The following HEPHL1 variants were observed in gnomAD, a reference collection of about 807,000 sequenced individuals.
HEPHL1 encodes the protein hephaestin like 1.
A neutral mutation model predicts 122.0 loss-of-function variants in HEPHL1; 123 were observed. The observed-to-expected ratio is 1.01, with a 90% CI of 0.87 to 1.17. HEPHL1 has a LOEUF of 1.17. Ranked by LOEUF, HEPHL1 falls within the 50% of genes most tolerant of loss-of-function variation. The pLI is 0.00. For missense variants in HEPHL1, 1,452 were observed against 1,430.5 expected (o/e 1.01, Z -0.24); for synonymous variants, 527 against 508.9 (o/e 1.04, Z -0.48).
chr11:94,085,969 C>T lies in HEPHL1; in HGVS notation c.1868-8C>T. ...ATAATTTTTCACCGTCTTTCTTCTT[C>T]CATTTAGCTGTTAACGGCTACATGT... On this transcript the variant is annotated splice_region_variant and splice_polypyrimidine_tract_variant and intron_variant, in intron 10 of 19. Coordinates refer to ENST00000315765, the MANE Select transcript of HEPHL1 (RefSeq NM_001098672.2). The T allele has an allele frequency of 1.2e-6, 2 of 1,608,340 alleles. No individual in the cohort carries two copies. The highest frequency in any genetic ancestry group is 8.5e-7 in the Non-Finnish European group (1 of 1,174,870).
chr11:94,067,087 G>A (rs1021286938), intron 4 of HEPHL1, among the ~76,000 whole-genome samples: 25 of 152,118 alleles, frequency 1.6e-4, no homozygotes, highest in African/African-American at 6.0e-4. Context: ...TAACTGTTAA[G>A]ATGAACAAGA....
chr11:94,046,168 C>T (rs2134416153), intron 2 of HEPHL1, among the ~76,000 whole-genome samples: 1 of 120,754 alleles, frequency 8.3e-6, no homozygotes, highest in Middle Eastern at 7.8e-3. Flanking sequence ...GATATCAGCT[C>T]ACTGCAACCT....
At chr11:94,080,800 G>A (rs1311003077) in intron 9 of HEPHL1, among the ~76,000 whole-genome samples, 1 of 152,176 alleles carries the variant, frequency 6.6e-6, no homozygotes, top group African/African-American at 2.4e-5. Context: ...GGCAGATGCT[G>A]GCAAGGCTGT....
At chr11:94,042,875 T>TAAAA (rs58966846) in intron 1 of HEPHL1, among the ~76,000 whole-genome samples, 13 of 63,166 alleles carry the variant, frequency 2.1e-4, no homozygotes, top group Admixed American at 7.1e-4. Context: ...TAAAGTATAA[T>TAAAA]AAAAAAAAAA....
intron 1 of HEPHL1, among the ~76,000 whole-genome samples, chr11:94,026,368 T>C (rs1022395980): frequency 6.6e-6 from 1 of 152,202 alleles, no homozygotes; most frequent in Non-Finnish European, 1.5e-5. Flanking sequence ...CTGTGTACTT[T>C]TCTGCCTGAA....
chr11:94,034,252 A>C (rs1945701887), intron 1 of HEPHL1, among the ~76,000 whole-genome samples: 1 of 152,156 alleles, frequency 6.6e-6, no homozygotes, highest in South Asian at 2.1e-4. Context: ...TCTACCTTCT[A>C]AGGTGGTTCC....
Position 94,082,588 on chromosome 11 carries a change from C to T in HEPHL1, c.1867+20C>T, listed in dbSNP as rs139764817. The T allele has an allele frequency of 1.1e-3, 1,811 of 1,592,956 alleles. 2 individuals are homozygous for T. The highest frequency in any genetic ancestry group is 1.4e-3 in the Non-Finnish European group (1,680 of 1,169,468). ...TGCATGGTATGACAAATGACATTCCCGCCTGTAAATGAAAGGCTGACTTGC... is the reference window on the plus strand; with the variant it reads ...TGCATGGTATGACAAATGACATTCCTGCCTGTAAATGAAAGGCTGACTTGC... On this transcript the variant is annotated intron_variant, in intron 10 of 19. Coordinates refer to ENST00000315765, the MANE Select transcript of HEPHL1 (RefSeq NM_001098672.2).
intron 4 of HEPHL1, among the ~76,000 whole-genome samples, 153 bp downstream of exon 4, chr11:94,064,663 CAT>C (rs1162758766): frequency 1.3e-5 from 2 of 152,170 alleles, no homozygotes; most frequent in Non-Finnish European, 2.9e-5. Flanking sequence ...ATACATGACA[CAT>C]GTTTGAACCT....
At chr11:94,104,803 C>A in intron 16 of HEPHL1, 53 bp downstream of exon 16, 1 of 1,359,060 alleles carries the variant, frequency 7.4e-7, no homozygotes, top group Admixed American at 1.9e-5. Flanking sequence ...CATAGGAATT[C>A]CTGTAAATGT....
At chr11:94,034,275 C>T (rs949161142) in intron 1 of HEPHL1, among the ~76,000 whole-genome samples, 4 of 152,158 alleles carry the variant, frequency 2.6e-5, no homozygotes, top group Admixed American at 2.0e-4. Context: ...TCTTCTGCTC[C>T]ATGCGGGATG....
At chr11:94,087,945 C>T (rs1436108042) in intron 11 of HEPHL1, among the ~76,000 whole-genome samples, 1 of 152,162 alleles carries the variant, frequency 6.6e-6, no homozygotes, top group Non-Finnish European at 1.5e-5. Context: ...TCATCCCTCA[C>T]CTCTAAAAAC....
At chr11:94,097,872 A>G (rs1946331146) in intron 13 of HEPHL1, among the ~76,000 whole-genome samples, 1 of 152,040 alleles carries the variant, frequency 6.6e-6, no homozygotes, top group South Asian at 2.1e-4. Context: ...TGCTTAGTAG[A>G]TCTTCCTTCA....
chr11:94,080,358 A>G (rs1041105019), intron 9 of HEPHL1, among the ~76,000 whole-genome samples: 4 of 152,236 alleles, frequency 2.6e-5, no homozygotes, highest in Non-Finnish European at 5.9e-5. Flanking sequence ...AAGAAAATCT[A>G]GGCAATACCA....
At chr11:94,073,473 G>A in intron 8 of HEPHL1, 34 bp downstream of exon 8, 3 of 1,548,552 alleles carry the variant, frequency 1.9e-6, no homozygotes, top group Non-Finnish European at 2.6e-6. Context: ...GAGGAAACAG[G>A]ACGGGTGAGC....
chr11:94,104,406 G>A, intron 15 of HEPHL1, 122 bp from the exon 16 acceptor site: 1 of 685,960 alleles, frequency 1.5e-6, no homozygotes, highest in Non-Finnish European at 2.5e-6. Context: ...AGAGCTGAGA[G>A]AAGAATCAAT....
chr11:94,081,643 A>G (rs1172698079), intron 9 of HEPHL1, among the ~76,000 whole-genome samples: 2 of 152,150 alleles, frequency 1.3e-5, no homozygotes, highest in African/African-American at 4.8e-5. Flanking sequence ...CTCGTCAGTT[A>G]TATGAATTCA....
chr11:94,074,854 C>T (rs778183049), intron 8 of HEPHL1, among the ~76,000 whole-genome samples: 2 of 152,162 alleles, frequency 1.3e-5, no homozygotes, highest in Non-Finnish European at 2.9e-5. Flanking sequence ...ACATAGAAAG[C>T]ATTCCAATGA....
At chr11:94,089,640 T>A (rs1468099587) in intron 12 of HEPHL1, among the ~76,000 whole-genome samples, 1 of 152,102 alleles carries the variant, frequency 6.6e-6, no homozygotes, top group East Asian at 1.9e-4. Flanking sequence ...CCAAGATCCC[T>A]AGGGTGCACT....
intron 13 of HEPHL1, among the ~76,000 whole-genome samples, chr11:94,099,013 C>A (rs535701809): frequency 6.6e-6 from 1 of 152,220 alleles, no homozygotes; most frequent in African/African-American, 2.4e-5. Flanking sequence ...TCTCTCAACT[C>A]GTCAAAGTCA....
Sources: gnomAD v4.1 joint callset for allele counts (sites outside exome capture counted in the v4.1 genomes callset) on GRCh38, gnomAD v4.1.1 for gene constraint, MANE v1.5 for transcripts, NCBI Gene and HGNC (gene_info 2026-07-23, HGNC 2026-07-21) for gene names.